Variants in AFF3 observed in about 807,000 individuals in gnomAD.
AFF3 encodes the protein AF4/FMR2 family member 3.
Under a neutral mutation model 129.7 loss-of-function variants are expected in AFF3, and 32 were observed. The observed-to-expected ratio is 0.25, with a 90% CI of 0.19 to 0.33. AFF3 has a LOEUF of 0.33. Among genes scored for constraint, AFF3 ranks in the 10% least tolerant of loss-of-function variants. AFF3 has a pLI of 1.00. For missense variants in AFF3, 1,373 were observed against 1,592.0 expected (o/e 0.86, Z 2.34); for synonymous variants, 644 against 635.4 (o/e 1.01, Z -0.20).
rs1558728727 is a variant in AFF3 at position 99,672,175 on chromosome 2, T to TAC, written c.1143+362_1143+363insGT. Among the ~76,000 whole-genome samples the TAC allele has an allele frequency of 2.5e-3, 343 of 139,616 alleles. 4 individuals carry two copies. The highest frequency in any genetic ancestry group is 0.014 in the Middle Eastern group (4 of 276). The allele number at this position is 139,616 out of a possible 152,430, so 91.6% of individuals were successfully genotyped here. ...TTTGATCTCCAGAAGGCCAGTTAGC[T>TAC]TCTCACACACACACACACACACACA... On this transcript the variant is annotated intron_variant, in intron 12 of 24. Transcript: ENST00000672756.
rs6730034 is a variant in AFF3 at position 99,842,993 on chromosome 2, C to T, written c.874-5469G>A. On this transcript the variant is annotated intron_variant, in intron 7 of 24. Coordinates refer to ENST00000672756, the MANE Select transcript of AFF3 (RefSeq NM_001386135.1). ...TTCAAATCACAATGCCTTTGTTTAT[C>T]TTCAAGCACTCAAAAGACCCTCAAG... 1.5e-3 allele frequency among the ~76,000 whole-genome samples: 236 copies of T among 152,330 alleles called. 2 individuals are homozygous for T. Among genetic ancestry groups the T allele is most frequent in the African/African-American group, 5.5e-3 (228 of 41,574 alleles).
intron 9 of AFF3, 34 bp downstream of exon 9, chr2:99,752,187 A>T (rs780696290): frequency 1.3e-5 from 20 of 1,565,518 alleles, no homozygotes; most frequent in Non-Finnish European, 1.7e-5. Context: ...TGCATGAGTG[A>T]AACATATTCC....
chr2:99,581,844 G>C (rs1462560525), intron 17 of AFF3, among the ~76,000 whole-genome samples: 2 of 149,566 alleles, frequency 1.3e-5, no homozygotes, highest in South Asian at 4.2e-4. Flanking sequence ...GGCGTCCCTA[G>C]GTGTTGGAGT....
chr2:100,086,219 T>C (rs1034055470), intron 4 of AFF3, among the ~76,000 whole-genome samples: 3 of 152,208 alleles, frequency 2.0e-5, no homozygotes, highest in Admixed American at 2.0e-4. Context: ...ACTGCCATAG[T>C]GTCATAAGAA....
Position 99,601,633 on chromosome 2 carries a change from C to G in AFF3, c.1185-12G>C. On this transcript the variant is annotated splice_polypyrimidine_tract_variant and intron_variant, in intron 13 of 24. Transcript: ENST00000672756. ...GCTGGACCACGGCGCTGCCAGCCCG[C>G]GAGGCCCCCGGGAAGCAGAGGGAAG... The G allele has an allele frequency of 1.9e-6, 3 of 1,585,126 alleles. No homozygotes were observed. Among genetic ancestry groups the G allele is most frequent in the Non-Finnish European group, 2.6e-6 (3 of 1,171,618 alleles).
At chr2:99,800,288 T>C (rs1388036368) in intron 8 of AFF3, among the ~76,000 whole-genome samples, 2 of 152,112 alleles carry the variant, frequency 1.3e-5, no homozygotes, top group African/African-American at 4.8e-5. Flanking sequence ...CCACAGAAGA[T>C]ACATGGATGG....
chr2:99,966,563 G>A (rs1482125228), intron 7 of AFF3, among the ~76,000 whole-genome samples: 45 of 148,330 alleles, frequency 3.0e-4, no homozygotes, highest in African/African-American at 9.1e-4. Context: ...AGTGGCGGGC[G>A]CCTGTAGTCC....
intron 16 of AFF3, among the ~76,000 whole-genome samples, chr2:99,586,567 T>C (rs1441651827): frequency 6.6e-6 from 1 of 152,224 alleles, no homozygotes; most frequent in Non-Finnish European, 1.5e-5. Flanking sequence ...CGACTGATGA[T>C]AAGCTACTTG....
At chr2:99,736,858 C>T (rs1680307284) in intron 10 of AFF3, among the ~76,000 whole-genome samples, 1 of 152,172 alleles carries the variant, frequency 6.6e-6, no homozygotes, top group Non-Finnish European at 1.5e-5. Flanking sequence ...GATCTGCCCA[C>T]CTCGGTCTCC....
intron 7 of AFF3, among the ~76,000 whole-genome samples, chr2:99,986,201 A>AAATAATAATAAT (rs35535526): frequency 1.1e-3 from 150 of 137,100 alleles, no homozygotes; most frequent in South Asian, 4.3e-3. Context: ...ACTTCATCTC[A>AAATAATAATAAT]AATAATAATA....
chr2:99,985,943 G>A (rs1679817287), intron 7 of AFF3, among the ~76,000 whole-genome samples: 1 of 152,092 alleles, frequency 6.6e-6, no homozygotes, highest in Non-Finnish European at 1.5e-5. Flanking sequence ...GCTCACGCCT[G>A]TAATCCCAGC....
Position 99,554,687 on chromosome 2 carries a change from C to T in AFF3, c.3331G>A (p.Gly1111Arg). Reference sequence around the variant, plus strand: ...ACTTTGGAAAAGCGAACTTACTTTCCACTGGCCCCCCACGGAGATGGGGCT... The same window carrying T: ...ACTTTGGAAAAGCGAACTTACTTTCTACTGGCCCCCCACGGAGATGGGGCT... ...AQAPSPWGAS[G>R]KSTGTPSPMS... The change falls in exon 23 of 25, where the codon GGA (glycine) becomes AGA (arginine). Residue 1111 changes from glycine to arginine, a missense_variant. Gly to Arg is a moderately radical substitution (Grantham distance 125). Coordinates refer to ENST00000672756, the MANE Select transcript of AFF3 (RefSeq NM_001386135.1). 1 of 1,614,226 alleles carries T rather than the reference C, an allele frequency of 6.2e-7. No homozygotes were observed. The highest frequency in any genetic ancestry group is 8.5e-7 in the Non-Finnish European group (1 of 1,180,038).
chr2:100,015,959 G>A (rs1409977692), intron 4 of AFF3, among the ~76,000 whole-genome samples: 2 of 151,640 alleles, frequency 1.3e-5, no homozygotes, highest in African/African-American at 2.4e-5. Context: ...GGTGGTGATG[G>A]TGATGATGAT....
At chr2:99,753,724 C>T (rs1681862454) in intron 8 of AFF3, among the ~76,000 whole-genome samples, 1 of 152,214 alleles carries the variant, frequency 6.6e-6, no homozygotes, top group Non-Finnish European at 1.5e-5. Flanking sequence ...TCATCTCTCC[C>T]ACACCACGAC....
At chr2:99,586,138 T>C (rs1447481137) in intron 16 of AFF3, among the ~76,000 whole-genome samples, 1 of 152,246 alleles carries the variant, frequency 6.6e-6, no homozygotes, top group African/African-American at 2.4e-5. Flanking sequence ...GGTTATTTAG[T>C]GCATTAACAA....
At chr2:99,639,738 T>G (rs1274049938) in intron 13 of AFF3, among the ~76,000 whole-genome samples, 1 of 150,910 alleles carries the variant, frequency 6.6e-6, no homozygotes, top group South Asian at 2.1e-4. Flanking sequence ...CAGGTTGGAG[T>G]GCAATGGAGT....
At chr2:99,607,725 C>T (rs541908721) in intron 13 of AFF3, among the ~76,000 whole-genome samples, 95 of 152,328 alleles carry the variant, frequency 6.2e-4, no homozygotes, top group Admixed American at 3.3e-3. Flanking sequence ...GTGCCCACAT[C>T]GCACCACACA....
chr2:100,127,842 G>A (rs1692262162), intron 2 of AFF3, among the ~76,000 whole-genome samples: 1 of 152,166 alleles, frequency 6.6e-6, no homozygotes, highest in Non-Finnish European at 1.5e-5. Context: ...ATAGGAGCTG[G>A]GTAAATGAGG....
chr2:99,573,295 A>T (rs1575394178), intron 18 of AFF3, among the ~76,000 whole-genome samples: 1 of 151,440 alleles, frequency 6.6e-6, no homozygotes, highest in East Asian at 1.9e-4. Flanking sequence ...TTACTCTCTC[A>T]CTCTGTTTTG....
Sources: gnomAD v4.1 joint callset for allele counts (sites outside exome capture counted in the v4.1 genomes callset) on GRCh38, gnomAD v4.1.1 for gene constraint, MANE v1.5 for transcripts, NCBI Gene and HGNC (gene_info 2026-07-23, HGNC 2026-07-21) for gene names.